Variants in GPM6A observed in about 807,000 individuals in gnomAD.
GPM6A encodes the protein glycoprotein M6A.
GPM6A carries 7 observed loss-of-function variants against 32.1 expected under a neutral mutation model. That is an observed-to-expected ratio of 0.22 (90% confidence interval 0.12 to 0.41). The LOEUF is 0.41. Ranked by LOEUF, GPM6A falls within the 10% of genes least tolerant of loss-of-function variation. The pLI is 1.00. For missense variants in GPM6A, 235 were observed against 347.2 expected (o/e 0.68, Z 2.57); for synonymous variants, 130 against 123.4 (o/e 1.05, Z -0.35).
intron 6 of GPM6A, among the ~76,000 whole-genome samples, chr4:175,639,868 TTA>T (rs1300682870): frequency 1.3e-5 from 2 of 152,268 alleles, no homozygotes; most frequent in East Asian, 3.9e-4. Context: ...GAAATAATTT[TTA>T]TATTTATAGT....
At chr4:175,706,369 C>T (rs187272684) in intron 1 of GPM6A, among the ~76,000 whole-genome samples, 122 of 152,070 alleles carry the variant, frequency 8.0e-4, no homozygotes, top group Admixed American at 8.0e-3. Flanking sequence ...CAAACTGCAT[C>T]AAAACAAATA....
Position 175,837,273 on chromosome 4 carries a change from A to C in GPM6A, c.-22-25024T>G, listed in dbSNP as rs79496743. On this transcript the variant is annotated intron_variant, in intron 1 of 7. Coordinates refer to the GPM6A transcript ENST00000280187. ...CTCCTAGAGCCTCCAGAAAGAACCA[A>C]CCTGCCTACACCCTAATTTTAGCCC... Among the ~76,000 whole-genome samples, 204 of 152,152 alleles carry C rather than the reference A, an allele frequency of 1.3e-3. 1 individual carries two copies. The highest frequency in any genetic ancestry group is 4.6e-3 in the African/African-American group (193 of 41,532).
At chr4:175,966,727 C>T (rs1740345936) in intron 1 of GPM6A, among the ~76,000 whole-genome samples, 1 of 152,008 alleles carries the variant, frequency 6.6e-6, no homozygotes, top group Admixed American at 6.6e-5. Flanking sequence ...GAAATGAATG[C>T]TTGTTGTTTA....
chr4:175,989,575 G>A (rs1294543790), intron 1 of GPM6A, among the ~76,000 whole-genome samples: 1 of 151,852 alleles, frequency 6.6e-6, no homozygotes, highest in Non-Finnish European at 1.5e-5. Flanking sequence ...TTAAAAAAAA[G>A]CTGTTGGTAT....
intron 1 of GPM6A, among the ~76,000 whole-genome samples, chr4:175,851,564 C>T (rs1238755780): frequency 6.6e-6 from 1 of 151,338 alleles, no homozygotes; most frequent in East Asian, 1.9e-4. Context: ...GAATAATATT[C>T]AGGTTACATT....
At chr4:175,978,918 T>G (rs1740741322) in intron 1 of GPM6A, among the ~76,000 whole-genome samples, 1 of 151,846 alleles carries the variant, frequency 6.6e-6, no homozygotes, top group East Asian at 1.9e-4. Flanking sequence ...CAGTGTTGTA[T>G]CTATTTTATC....
chr4:175,747,610 T>C (rs1252198425), intron 1 of GPM6A, among the ~76,000 whole-genome samples: 1 of 152,178 alleles, frequency 6.6e-6, no homozygotes, highest in Admixed American at 6.5e-5. Context: ...AAACAATGTA[T>C]ATACTTTAAT....
In GPM6A at chr4:175,850,874, TATG is replaced by T. The variant is rs1487768962; in HGVS notation, c.-22-38628_-22-38626del. On this transcript the variant is annotated intron_variant, in intron 1 of 7. Transcript: ENST00000280187. ...ATATATGTTTATATATAATTTCACA[TATG>T]ATACTATATATTTATTTGTAACATA... Among the ~76,000 whole-genome samples, 20 of 150,392 alleles carry T rather than the reference TATG, an allele frequency of 1.3e-4. No individual in the cohort carries two copies. In the East Asian group the frequency reaches 3.1e-3, roughly 23 times the overall value.
At chr4:175,689,408 A>G (rs1279237719) in intron 2 of GPM6A, among the ~76,000 whole-genome samples, 1 of 151,526 alleles carries the variant, frequency 6.6e-6, no homozygotes, top group Non-Finnish European at 1.5e-5. Flanking sequence ...TTTCCAGTGT[A>G]CAAGCCTTTT....
chr4:175,818,661 G>A (rs576807700), intron 1 of GPM6A, among the ~76,000 whole-genome samples: 1 of 152,342 alleles, frequency 6.6e-6, no homozygotes, highest in Admixed American at 6.5e-5. Context: ...AACAAACTCA[G>A]TGGCTTACAC....
intron 1 of GPM6A, among the ~76,000 whole-genome samples, chr4:175,746,152 C>T (rs956974612): frequency 1.3e-5 from 2 of 152,096 alleles, no homozygotes; most frequent in African/African-American, 4.8e-5. Context: ...ATATGAACAA[C>T]AGCTTTCCCC....
intron 1 of GPM6A, among the ~76,000 whole-genome samples, chr4:175,712,117 GAAC>G (rs2111093548): frequency 6.6e-6 from 1 of 152,266 alleles, no homozygotes; most frequent in South Asian, 2.1e-4. Context: ...AGACAAGGAA[GAAC>G]AACCACCACA....
chr4:175,842,356 G>C (rs944038934), intron 1 of GPM6A, among the ~76,000 whole-genome samples: 1 of 152,066 alleles, frequency 6.6e-6, no homozygotes, highest in Non-Finnish European at 1.5e-5. Flanking sequence ...TGTGTAGTGA[G>C]GAAAGGGCAG....
chr4:175,968,829 G>A (rs544765721), intron 1 of GPM6A, among the ~76,000 whole-genome samples: 8 of 152,260 alleles, frequency 5.3e-5, no homozygotes, highest in Non-Finnish European at 7.4e-5. Context: ...TTGATGGGCT[G>A]GTAGAGATGC....
intron 1 of GPM6A, among the ~76,000 whole-genome samples, chr4:175,762,222 T>G (rs1214552080): frequency 6.6e-6 from 1 of 152,226 alleles, no homozygotes; most frequent in Non-Finnish European, 1.5e-5. Flanking sequence ...TATGACAGTT[T>G]GCTAAGTTTT....
intron 2 of GPM6A, among the ~76,000 whole-genome samples, chr4:175,679,768 C>T (rs1349420698): frequency 1.3e-5 from 2 of 152,116 alleles, no homozygotes; most frequent in African/African-American, 4.8e-5. Flanking sequence ...ATTACAATAG[C>T]TCATTATTTT....
intron 1 of GPM6A, among the ~76,000 whole-genome samples, chr4:175,890,681 G>T (rs1473288921): frequency 4.0e-5 from 6 of 151,862 alleles, no homozygotes; most frequent in Non-Finnish European, 8.8e-5. Context: ...ATCCTCCCAA[G>T]TAGCTAGGAC....
intron 1 of GPM6A, among the ~76,000 whole-genome samples, chr4:175,869,619 T>A (rs773527634): frequency 6.6e-6 from 1 of 152,134 alleles, no homozygotes; most frequent in East Asian, 1.9e-4. Flanking sequence ...TATCTGGGCA[T>A]GGTGGTGCGC....
At chr4:175,846,077 T>C (rs1736078044) in intron 1 of GPM6A, among the ~76,000 whole-genome samples, 1 of 152,090 alleles carries the variant, frequency 6.6e-6, no homozygotes, top group Admixed American at 6.6e-5. Context: ...TAAGAATTGT[T>C]CTTTTCAAGC....
Sources: gnomAD v4.1 joint callset for allele counts (sites outside exome capture counted in the v4.1 genomes callset) on GRCh38, gnomAD v4.1.1 for gene constraint, MANE v1.5 for transcripts, NCBI Gene and HGNC (gene_info 2026-07-23, HGNC 2026-07-21) for gene names.